Variants in TMEM154 observed in about 807,000 individuals in gnomAD.
TMEM154 encodes transmembrane protein 154.
Under a neutral mutation model 24.5 loss-of-function variants are expected in TMEM154, and 27 were observed. That is an observed-to-expected ratio of 1.10 (90% confidence interval 0.81 to 1.52). The LOEUF (loss-of-function observed/expected upper bound fraction) is 1.52. Among genes scored for constraint, TMEM154 ranks in the 40% most tolerant of loss-of-function variants. TMEM154 has a pLI of 0.00. For synonymous variants in TMEM154, 67 were observed against 76.8 expected, an observed-to-expected ratio of 0.87 and a Z score of 0.67; for missense variants, 228 against 213.4, an observed-to-expected ratio of 1.07 and a Z score of -0.43.
intron 1 of TMEM154, among the ~76,000 whole-genome samples, chr4:152,664,650 A>T (rs937376964): frequency 6.6e-6 from 1 of 152,240 alleles, no homozygotes; most frequent in East Asian, 1.9e-4. Context: ...TTAGTAATAC[A>T]ATGTGAAATA....
In TMEM154 at chr4:152,663,612, T is replaced by A. The variant is rs571920334; in HGVS notation, c.65-10685A>T. 1.4e-4 allele frequency among the ~76,000 whole-genome samples: 21 copies of A among 152,358 alleles called. No individual in the cohort carries two copies. The South Asian group carries it at 2.9e-3, about 21-fold the overall frequency. Reference sequence around the variant, plus strand: ...GTTAGGTGGCCAAGTCACAGTCATCTCAAGTGACCGCAACACAAACTCTCC... The same window carrying A: ...GTTAGGTGGCCAAGTCACAGTCATCACAAGTGACCGCAACACAAACTCTCC... On this transcript the variant is annotated intron_variant, in intron 1 of 6. Transcript: ENST00000304385.
In TMEM154 at chr4:152,679,885, C is replaced by T; in HGVS notation, c.49G>A (p.Val17Ile). The T allele has an allele frequency of 6.2e-7, 1 of 1,610,114 alleles. No individual in the cohort carries two copies. The highest frequency in any genetic ancestry group is 8.5e-7 in the Non-Finnish European group (1 of 1,178,742). ...GGCGGCTTACCCCGGCCGACGGGAACGAGCGCGATCACCAGGGCGAAGACT... is the reference window on the plus strand; with the variant it reads ...GGCGGCTTACCCCGGCCGACGGGAATGAGCGCGATCACCAGGGCGAAGACT... ...ALVFALVIAL[V>I]PVGRGNYEEL... Residue 17 changes from valine (V) to isoleucine (I), a missense_variant, in exon 1 of 7, where the codon GTT becomes ATT. By Grantham distance (29) the Val-to-Ile change is conservative. Transcript: ENST00000304385.
chr4:152,644,520 C>T, intron 3 of TMEM154, 78 bp from the exon 4 acceptor site: 1 of 1,423,532 alleles, frequency 7.0e-7, no homozygotes, highest in Non-Finnish European at 9.9e-7. Flanking sequence ...CAGCTGAAGT[C>T]TCCTTTACAA....
At chr4:152,659,710 CTACA>C (rs1341694585) in intron 1 of TMEM154, among the ~76,000 whole-genome samples, 4 of 152,152 alleles carry the variant, frequency 2.6e-5, no homozygotes, top group African/African-American at 9.7e-5. Flanking sequence ...TGGCTTTGTC[CTACA>C]TTTACAGTAG....
At chr4:152,640,876 T>TC in intron 6 of TMEM154, 52 bp downstream of exon 6, 11 of 1,113,590 alleles carry the variant, frequency 9.9e-6, no homozygotes, top group Non-Finnish European at 1.3e-5. Context: ...TGGTTCCCAA[T>TC]CCCCCCGCCC....
intron 6 of TMEM154, among the ~76,000 whole-genome samples, chr4:152,632,925 G>A (rs1227408322): frequency 1.3e-5 from 2 of 152,038 alleles, no homozygotes; most frequent in Non-Finnish European, 2.9e-5. Flanking sequence ...AACAATAAAT[G>A]AGAAAATGCA....
At chr4:152,633,308 G>A (rs933633252) in intron 6 of TMEM154, among the ~76,000 whole-genome samples, 3 of 152,250 alleles carry the variant, frequency 2.0e-5, no homozygotes, top group African/African-American at 7.2e-5. Flanking sequence ...GAGTGTAGCA[G>A]CTCTTACTGG....
At chr4:152,662,751 G>A (rs944648351) in intron 1 of TMEM154, among the ~76,000 whole-genome samples, 1 of 152,172 alleles carries the variant, frequency 6.6e-6, no homozygotes, top group African/African-American at 2.4e-5. Context: ...TTTCCTGCGG[G>A]CGGCATCCTG....
intron 1 of TMEM154, among the ~76,000 whole-genome samples, chr4:152,677,169 T>G (rs550416234): frequency 2.0e-5 from 3 of 152,226 alleles, no homozygotes; most frequent in Non-Finnish European, 4.4e-5. Context: ...CCAGAAAAGC[T>G]GCTTTCTTAT....
At chr4:152,628,598 A>ACACACACACACACACAC (rs771268979) in intron 6 of TMEM154, 37 bp from the exon 7 acceptor site, 2 of 1,167,454 alleles carry the variant, frequency 1.7e-6, no homozygotes, top group African/African-American at 3.7e-5. Flanking sequence ...AAAAACAAAA[A>ACACACACACACACACAC]AAACACACAC....
chr4:152,628,583 A>AC (rs1222771476), intron 6 of TMEM154, 22 bp from the exon 7 acceptor site: 5 of 1,116,262 alleles, frequency 4.5e-6, no homozygotes, highest in African/African-American at 3.8e-5. Context: ...AAAAAAAAAA[A>AC]AAAAAAAAAC....
At chr4:152,634,180 C>G (rs1264998710) in intron 6 of TMEM154, among the ~76,000 whole-genome samples, 1 of 152,010 alleles carries the variant, frequency 6.6e-6, no homozygotes, top group Non-Finnish European at 1.5e-5. Flanking sequence ...GGGCATGCTA[C>G]CAGTTAAATA....
chr4:152,618,994 T>C lies in TMEM154; in HGVS notation c.*9552A>G, dbSNP rs1457652137. On this transcript the variant is annotated 3_prime_UTR_variant, in exon 7 of 7. Coordinates refer to ENST00000304385, the MANE Select transcript of TMEM154 (RefSeq NM_152680.3). ...ATTAGGTACTTAAGGAAAGATGATA[T>C]GTAACTCCTAGCTCATTAAATAATT... is the stretch of plus-strand genomic sequence containing the variant. The C allele has an allele frequency of 6.6e-6, 1 of 152,204 alleles. No individual in the cohort carries two copies. The highest frequency in any genetic ancestry group is 6.5e-5 in the Admixed American group (1 of 15,282). 9.4% of individuals were successfully genotyped at this position (152,204 alleles called of 1,614,324 possible).
chr4:152,629,879 G>A (rs1323740125), intron 6 of TMEM154, among the ~76,000 whole-genome samples: 1 of 152,182 alleles, frequency 6.6e-6, no homozygotes, highest in Non-Finnish European at 1.5e-5. Flanking sequence ...ATCCATGAAA[G>A]GGCAGGAGAC....
intron 1 of TMEM154, among the ~76,000 whole-genome samples, chr4:152,675,755 G>C (rs1728942683): frequency 6.6e-6 from 1 of 152,238 alleles, no homozygotes; most frequent in Non-Finnish European, 1.5e-5. Context: ...CGGACCAGTA[G>C]TGCAGAGTTC....
chr4:152,667,855 CTT>C lies in TMEM154; in HGVS notation c.64+12013_64+12014del, dbSNP rs764130722. Among the ~76,000 whole-genome samples, 870 of 152,348 alleles carry C rather than the reference CTT, an allele frequency of 5.7e-3. 10 individuals carry two copies. The highest frequency in any genetic ancestry group is 0.048 in the Middle Eastern group (14 of 294). On this transcript the variant is annotated intron_variant, in intron 1 of 6. Transcript: ENST00000304385. ...TTTGAGGAGGTTGTCTGGTAAAACA[CTT>C]TCAGCCAGTAGTCTGCTCTGGGAAA...
Position 152,639,300 on chromosome 4 carries a change from T to C in TMEM154, c.536+1628A>G, listed in dbSNP as rs116634589. Among the ~76,000 whole-genome samples, 1,043 of 152,324 alleles carry C rather than the reference T, an allele frequency of 6.8e-3. 2 individuals carry two copies. Among genetic ancestry groups the C allele is most frequent in the Non-Finnish European group, 0.013 (853 of 68,034 alleles). ...TCACTGCCATACAATTCTGTAATGT[T>C]AAGCTTCTTCCATGTTGCCAACAAT... On this transcript the variant is annotated intron_variant, in intron 6 of 6. Coordinates refer to ENST00000304385, the MANE Select transcript of TMEM154 (RefSeq NM_152680.3).
At chr4:152,674,180 C>T (rs1318503336) in intron 1 of TMEM154, among the ~76,000 whole-genome samples, 2 of 152,014 alleles carry the variant, frequency 1.3e-5, no homozygotes, top group Admixed American at 6.6e-5. Context: ...AGTTGAAATT[C>T]GGAGTTATAT....
intron 6 of TMEM154, among the ~76,000 whole-genome samples, chr4:152,629,928 T>C (rs1752002131): frequency 6.6e-6 from 1 of 152,124 alleles, no homozygotes; most frequent in Admixed American, 6.6e-5. Context: ...GTTCATGTTG[T>C]GAAGACAGAG....
Sources: allele counts gnomAD v4.1 joint callset (sites outside exome capture counted in the v4.1 genomes callset), GRCh38; gene constraint gnomAD v4.1.1; transcripts MANE v1.5; gene names NCBI Gene and HGNC (gene_info 2026-07-23, HGNC 2026-07-21).